FGF3: variants seen among roughly 807,000 people sequenced by gnomAD.
FGF3 encodes fibroblast growth factor 3, also known as FGF-3.
In FGF3, 7 loss-of-function variants were observed where a neutral mutation model predicts 9.8. That is an observed-to-expected ratio of 0.72 (90% CI 0.41 to 1.35). FGF3 has a LOEUF of 1.35. Among genes scored for constraint, FGF3 ranks in the 40% most tolerant of loss-of-function variants. FGF3 has a pLI of 0.01. For synonymous variants in FGF3, 173 were observed against 157.2 expected (o/e 1.10, Z -0.75); for missense variants, 390 against 345.6 (o/e 1.13, Z -1.02).
At chr11:69,815,790 C>G (rs1309133769) in intron 2 of FGF3, among the ~76,000 whole-genome samples, 1 of 152,118 alleles carries the variant, frequency 6.6e-6, no homozygotes, top group Non-Finnish European at 1.5e-5. Flanking sequence ...AGACTGGGTC[C>G]CAAGCCAGGG....
chr11:69,813,621 T>A, intron 2 of FGF3, among the ~76,000 whole-genome samples: 1 of 140,940 alleles, frequency 7.1e-6, no homozygotes, highest in African/African-American at 2.7e-5. Flanking sequence ...GATGGGTGGA[T>A]GGATGGATGG....
chr11:69,810,688 C>A lies in FGF3; in HGVS notation c.337G>T (p.Ala113Ser). The part of the protein sequence containing the change: ...GRLYASEHYS[A>S]ECEFVERIHE... ...ATCCGCTCCACAAACTCGCACTCGG[C>A]GCTGTAGTGCTCCTGCGGGGATGAG... The change falls in exon 3 of 3, where the codon GCC becomes TCC. Residue 113 changes from alanine to serine, a missense_variant. Physicochemically the swap from Ala to Ser is moderately conservative, Grantham distance 99 (BLOSUM62 1). Coordinates refer to ENST00000334134, the MANE Select transcript of FGF3 (RefSeq NM_005247.4). 6.3e-7 allele frequency: 1 copy of A among 1,586,346 alleles called. No homozygotes were observed. Among genetic ancestry groups the A allele is most frequent in the Non-Finnish European group, 8.6e-7 (1 of 1,162,686 alleles).
rs375708730 is a variant in FGF3, at chr11:69,810,353, G to T, written c.672C>A (p.His224Gln). 28 of 1,567,304 alleles carry T rather than the reference G, an allele frequency of 1.8e-5. No individual in the cohort carries two copies. Among genetic ancestry groups the T allele is most frequent in the Non-Finnish European group, 2.4e-5 (28 of 1,151,360 alleles). ...GGGAGCCCAGTCTCGAAGCCTGAAC[G>T]TGAGAGGGCTCCAGGTTATCCGGGC... is the stretch of plus-strand genomic sequence containing the variant. ...KQSPDNLEPS[H>Q]VQASRLGSQL... Residue 224 changes from histidine to glutamine, a missense_variant, in exon 3 of 3, where the codon CAC (histidine) becomes CAA (glutamine). By Grantham distance (24) the His-to-Gln change is conservative (BLOSUM62 0). Coordinates refer to ENST00000334134, the MANE Select transcript of FGF3 (RefSeq NM_005247.4).
In FGF3 at chr11:69,810,332, G is replaced by C; in HGVS notation, c.693C>G (p.Gly231=). 6.4e-7 allele frequency: 1 copy of C among 1,568,024 alleles called. No individual in the cohort carries two copies. The highest frequency in any genetic ancestry group is 1.2e-5 in the South Asian group (1 of 86,508). ...AGTGCGCACTGGCCTCCAGCTGGGA[G>C]CCCAGTCTCGAAGCCTGAACGTGAG... is the stretch of plus-strand genomic sequence containing the variant. ...EPSHVQASRL[G]SQLEASAH is the part of the protein sequence containing the mutation. The change falls in exon 3 of 3, where the codon GGC becomes GGG. Residue 231 remains glycine, a synonymous_variant. Coordinates refer to ENST00000334134, the MANE Select transcript of FGF3 (RefSeq NM_005247.4).
intron 2 of FGF3, among the ~76,000 whole-genome samples, chr11:69,812,959 A>C (rs1856052017): frequency 6.6e-6 from 1 of 152,038 alleles, no homozygotes; most frequent in African/African-American, 2.4e-5. Flanking sequence ...GGGGTGGCCA[A>C]GATGACCAGG....
chr11:69,811,012 G>T (rs1334314400), intron 2 of FGF3, among the ~76,000 whole-genome samples: 6 of 152,260 alleles, frequency 3.9e-5, no homozygotes, highest in African/African-American at 1.4e-4. Flanking sequence ...CGCTGACACA[G>T]CAAAGGGATG....
At chr11:69,814,036 C>T (rs148659079) in intron 2 of FGF3, among the ~76,000 whole-genome samples, 195 of 149,480 alleles carry the variant, frequency 1.3e-3, no homozygotes, top group Middle Eastern at 6.9e-3. Context: ...GACAGATGAA[C>T]GGTTGGAAGG....
intron 1 of FGF3, chr11:69,817,369 T>A (rs1449823048): frequency 1.3e-5 from 2 of 152,208 alleles, no homozygotes; most frequent in Non-Finnish European, 2.9e-5. Context: ...GCCTTCCCAG[T>A]GCGCAGGCTG....
At chr11:69,812,827 T>C (rs1394924696) in intron 2 of FGF3, among the ~76,000 whole-genome samples, 3 of 152,060 alleles carry the variant, frequency 2.0e-5, no homozygotes, top group Non-Finnish European at 4.4e-5. Context: ...GGGGGGCCAC[T>C]TGAGGGGTGG....
In FGF3 at chr11:69,818,815, C is replaced by T; in HGVS notation, c.119G>A (p.Gly40Asp). The change falls in exon 1 of 3, where the codon GGC (glycine) becomes GAC (aspartate). Residue 40 changes from glycine to aspartate, a missense_variant. Gly to Asp is a moderately conservative substitution (Grantham distance 94). Coordinates refer to ENST00000334134, the MANE Select transcript of FGF3 (RefSeq NM_005247.4). ...GAGCTTGCGGCGCCGGGGCGCCCCG[C>T]CAAGGTGCTCGTAGACGCCGCCACG... ...GGRGGVYEHLGGAPRRRKLYC... is the reference protein window; with the variant it reads ...GGRGGVYEHLDGAPRRRKLYC... 6.7e-7 allele frequency: 1 copy of T among 1,489,542 alleles called. No homozygotes were observed. The highest frequency in any genetic ancestry group is 8.9e-7 in the Non-Finnish European group (1 of 1,126,608). 92.3% of individuals were successfully genotyped at this position (1,489,542 alleles called of 1,614,324 possible).
chr11:69,813,287 G>A (rs1187788871), intron 2 of FGF3, among the ~76,000 whole-genome samples: 1 of 152,184 alleles, frequency 6.6e-6, no homozygotes, highest in Non-Finnish European at 1.5e-5. Context: ...TTGGAGAGTT[G>A]AGGGGGCTTC....
At chr11:69,817,772 T>C (rs1856160046) in intron 1 of FGF3, among the ~76,000 whole-genome samples, 1 of 151,970 alleles carries the variant, frequency 6.6e-6, no homozygotes, top group Non-Finnish European at 1.5e-5. Context: ...ACAGCTGTGG[T>C]CTTGACTGCC....
rs1208644142 is a variant in FGF3, at chr11:69,819,058, C to T, written c.-125G>A. ...ATCCCGCGCCTGGAGATGCTGACTC[C>T]GGCTTCGCGGGAAAGGTGGGGGAAG... On this transcript the variant is annotated 5_prime_UTR_variant, in exon 1 of 3. Coordinates refer to ENST00000334134, the MANE Select transcript of FGF3 (RefSeq NM_005247.4). The T allele has an allele frequency of 5.3e-4, 271 of 512,240 alleles. 1 individual carries two copies. The highest frequency in any genetic ancestry group is 6.4e-5 in the Non-Finnish European group (20 of 310,392). 31.7% of individuals were successfully genotyped at this position (512,240 alleles called of 1,614,324 possible). A position where few individuals can be genotyped will look rare whatever the true frequency, so the allele number is the denominator to read the frequency against.
chr11:69,813,309 G>A (rs770620850), intron 2 of FGF3, among the ~76,000 whole-genome samples: 31 of 152,194 alleles, frequency 2.0e-4, no homozygotes, highest in Non-Finnish European at 4.0e-4. Context: ...GGAAGCCGGA[G>A]GAGGCTCAAC....
chr11:69,816,321 G>C lies in FGF3; in HGVS notation c.323C>G (p.Ser108Trp), dbSNP rs143593259. 6.2e-7 allele frequency: 1 copy of C among 1,612,458 alleles called. No homozygotes were observed. The highest frequency in any genetic ancestry group is 1.3e-5 in the African/African-American group (1 of 74,896). The change falls in exon 2 of 3, where the codon TCG (serine) becomes TGG (tryptophan). Residue 108 changes from serine (S) to tryptophan (W), a missense_variant and splice_region_variant. Transcript: ENST00000334134. ...ACCCACGTGACAGCCTGGACTCACCGAAGCATAGAGTCGTCCCCTCTTGTT... is the reference window on the plus strand; with the variant it reads ...ACCCACGTGACAGCCTGGACTCACCCAAGCATAGAGTCGTCCCCTCTTGTT... ...AMNKRGRLYA[S>W]EHYSAECEFV... is the part of the protein sequence containing the mutation.
chr11:69,816,024 C>T (rs553372394), intron 2 of FGF3, among the ~76,000 whole-genome samples: 30 of 152,298 alleles, frequency 2.0e-4, no homozygotes, highest in African/African-American at 7.2e-4. Context: ...CTGCTCTCAG[C>T]TACTCTCAAG....
rs572222686 is a variant in FGF3, at chr11:69,815,695, C to A, written c.324+625G>T. On this transcript the variant is annotated intron_variant, in intron 2 of 2. Coordinates refer to ENST00000334134, the MANE Select transcript of FGF3 (RefSeq NM_005247.4). ...TGTATTTTACTCTGTGTATTCCCCA[C>A]CCCTACCCCTTATGAAGAGGGGCGC... Among the ~76,000 whole-genome samples, 132 of 152,262 alleles carry A rather than the reference C, an allele frequency of 8.7e-4. 1 individual carries two copies. The South Asian group carries it at 0.026, about 30-fold the overall frequency.
intron 1 of FGF3, among the ~76,000 whole-genome samples, chr11:69,818,229 G>A (rs540930469): frequency 1.8e-4 from 28 of 152,320 alleles, no homozygotes; most frequent in Non-Finnish European, 1.9e-4. Context: ...GGGCGTCCAG[G>A]GGTCGGCAGG....
intron 2 of FGF3, among the ~76,000 whole-genome samples, chr11:69,813,637 TGGGTGGATGGGTGGATGGATGGATGGGTG>T (rs1565114830): frequency 2.2e-5 from 3 of 138,770 alleles, no homozygotes; most frequent in African/African-American, 8.3e-5. Context: ...GATGGATGGA[TGGGTGGATGGGTGGATGGATGGATGGGTG>T]GATGGCTGGA....
Sources: allele counts gnomAD v4.1 joint callset (sites outside exome capture counted in the v4.1 genomes callset), GRCh38; gene constraint gnomAD v4.1.1; transcripts MANE v1.5; gene names NCBI Gene and HGNC (gene_info 2026-07-23, HGNC 2026-07-21).